The following IMMP2L variants were observed in gnomAD, a reference collection of about 807,000 sequenced individuals.
The protein encoded by IMMP2L is inner mitochondrial membrane peptidase subunit 2, also known as mitochondrial inner membrane protease subunit 2.
Under a neutral mutation model 19.3 loss-of-function variants are expected in IMMP2L, and 18 were observed. The observed-to-expected ratio is 0.93, with a 90% confidence interval of 0.64 to 1.38. IMMP2L has a LOEUF of 1.38. Among genes scored for constraint, IMMP2L ranks in the 40% most tolerant of loss-of-function variants. The pLI is 0.00. For synonymous variants in IMMP2L, 76 were observed against 73.0 expected (o/e 1.04, Z -0.21); for missense variants, 233 against 218.2 (o/e 1.07, Z -0.43).
chr7:111,297,767 A>G (rs1235416982), intron 3 of IMMP2L, among the ~76,000 whole-genome samples: 1 of 152,154 alleles, frequency 6.6e-6, no homozygotes, highest in Non-Finnish European at 1.5e-5. Context: ...AACAGCATAA[A>G]TGAGTCTCAA....
At chr7:111,454,513 G>C (rs1439032605) in intron 3 of IMMP2L, among the ~76,000 whole-genome samples, 2 of 151,582 alleles carry the variant, frequency 1.3e-5, no homozygotes, top group Non-Finnish European at 2.9e-5. Context: ...AAGTATAAAA[G>C]GAATTAAATA....
At chr7:111,235,828 T>G (rs1814244818) in intron 3 of IMMP2L, among the ~76,000 whole-genome samples, 1 of 152,096 alleles carries the variant, frequency 6.6e-6, no homozygotes, top group Non-Finnish European at 1.5e-5. Context: ...ACTGAGGCAC[T>G]TGAAATTGTC....
chr7:110,960,207 T>C (rs191734911), intron 4 of IMMP2L, among the ~76,000 whole-genome samples: 1 of 151,994 alleles, frequency 6.6e-6, no homozygotes, highest in East Asian at 1.9e-4. Flanking sequence ...ATATAATTCA[T>C]ATAACAGAGA....
intron 4 of IMMP2L, among the ~76,000 whole-genome samples, chr7:110,954,224 T>C (rs1818143602): frequency 2.0e-5 from 3 of 152,056 alleles, no homozygotes; most frequent in African/African-American, 7.2e-5. Context: ...CTACACAAAA[T>C]TTGTCTCCAA....
chr7:110,751,953 C>T (rs760174698), intron 5 of IMMP2L, among the ~76,000 whole-genome samples: 7 of 151,858 alleles, frequency 4.6e-5, no homozygotes, highest in South Asian at 2.1e-4. Flanking sequence ...TCCCAATTGG[C>T]GGGAAAGATT....
chr7:110,878,494 G>A (rs1291621278), intron 5 of IMMP2L, among the ~76,000 whole-genome samples: 1 of 151,584 alleles, frequency 6.6e-6, no homozygotes, highest in Admixed American at 6.6e-5. Context: ...AAAATCTTTT[G>A]GAAAGACTTG....
chr7:111,110,595 A>G (rs1661919702), intron 3 of IMMP2L, among the ~76,000 whole-genome samples: 1 of 152,212 alleles, frequency 6.6e-6, no homozygotes, highest in Non-Finnish European at 1.5e-5. Flanking sequence ...ACTGTCTTGA[A>G]GAATATATAT....
At chr7:111,156,422 T>C (rs1326423718) in intron 3 of IMMP2L, among the ~76,000 whole-genome samples, 1 of 152,176 alleles carries the variant, frequency 6.6e-6, no homozygotes, top group Non-Finnish European at 1.5e-5. Flanking sequence ...CATTTTGTTA[T>C]CTGCTAATGT....
At chr7:110,754,586 GA>G (rs1350596375) in intron 5 of IMMP2L, among the ~76,000 whole-genome samples, 1 of 151,982 alleles carries the variant, frequency 6.6e-6, no homozygotes, top group East Asian at 1.9e-4. Context: ...TATTAACTTG[GA>G]TTTTGAATTT....
At chr7:111,390,881 ATTAACACGTAAC>A (rs1478669911) in intron 3 of IMMP2L, 2 of 152,194 alleles carry the variant, frequency 1.3e-5, no homozygotes, top group Non-Finnish European at 2.9e-5. Flanking sequence ...ATGCAGACAC[ATTAACACGTAAC>A]TATGAAGAAT....
At chr7:110,845,223 C>T (rs1216841684) in intron 5 of IMMP2L, among the ~76,000 whole-genome samples, 7 of 152,124 alleles carry the variant, frequency 4.6e-5, no homozygotes, top group Non-Finnish European at 1.0e-4. Flanking sequence ...GCAGACAGTG[C>T]ACACTGAATT....
At chr7:111,107,622 C>A (rs548149712) in intron 3 of IMMP2L, among the ~76,000 whole-genome samples, 87 of 152,046 alleles carry the variant, frequency 5.7e-4, no homozygotes, top group Non-Finnish European at 5.7e-4. Flanking sequence ...AATCTACATG[C>A]TTTAATTGGG....
intron 3 of IMMP2L, among the ~76,000 whole-genome samples, chr7:111,319,188 A>C (rs1824416848): frequency 6.6e-6 from 1 of 152,144 alleles, no homozygotes; most frequent in Non-Finnish European, 1.5e-5. Flanking sequence ...ACTCAAAAAA[A>C]GTGCTGAGAG....
intron 3 of IMMP2L, among the ~76,000 whole-genome samples, chr7:111,342,935 T>C (rs1455238425): frequency 6.6e-6 from 1 of 152,012 alleles, no homozygotes; most frequent in Non-Finnish European, 1.5e-5. Context: ...ACCATGTATA[T>C]GCTAAACTCA....
chr7:110,700,316 A>G (rs1794187620), intron 5 of IMMP2L, among the ~76,000 whole-genome samples: 1 of 152,138 alleles, frequency 6.6e-6, no homozygotes, highest in African/African-American at 2.4e-5. Flanking sequence ...GAATCTCAGG[A>G]GCTCTAGTCC....
intron 3 of IMMP2L, among the ~76,000 whole-genome samples, chr7:111,439,817 C>T (rs1431468323): frequency 6.6e-6 from 1 of 151,910 alleles, no homozygotes; most frequent in East Asian, 1.9e-4. Flanking sequence ...ATTTTACCCA[C>T]AGTAAAACTT....
intron 3 of IMMP2L, among the ~76,000 whole-genome samples, chr7:111,051,648 T>TA (rs909606027): frequency 1.3e-5 from 2 of 152,142 alleles, no homozygotes; most frequent in East Asian, 3.8e-4. Context: ...AGTTGTTGTC[T>TA]AAAAAAACAA....
intron 3 of IMMP2L, among the ~76,000 whole-genome samples, chr7:111,128,158 C>G (rs1414928006): frequency 6.6e-6 from 1 of 152,036 alleles, no homozygotes; most frequent in African/African-American, 2.4e-5. Flanking sequence ...TTAGTTTATT[C>G]ATTTAATTAT....
At chr7:111,510,954 A>C (rs1024419276) in intron 2 of IMMP2L, among the ~76,000 whole-genome samples, 1 of 151,570 alleles carries the variant, frequency 6.6e-6, no homozygotes, top group Non-Finnish European at 1.5e-5. Flanking sequence ...CTCATAAAAG[A>C]ATACAAAACA....
Sources: allele counts gnomAD v4.1 joint callset (sites outside exome capture counted in the v4.1 genomes callset), GRCh38; gene constraint gnomAD v4.1.1; transcripts MANE v1.5; gene names NCBI Gene and HGNC (gene_info 2026-07-23, HGNC 2026-07-21).